Variants in CNTNAP2 observed in about 807,000 individuals in gnomAD.
CNTNAP2 encodes the protein contactin-associated protein-like 2.
A neutral mutation model predicts 155.2 loss-of-function variants in CNTNAP2; 98 were observed. The observed-to-expected ratio is 0.63, with a 90% CI of 0.54 to 0.75. CNTNAP2 has a LOEUF of 0.75. Among genes scored for constraint, CNTNAP2 ranks in the 30% least tolerant of loss-of-function variants. The probability of loss-of-function intolerance (pLI) is 0.00; values close to 1 mark genes in which losing one functional copy is unlikely to be tolerated. For synonymous variants in CNTNAP2, 651 were observed against 631.2 expected (o/e 1.03, Z -0.47); for missense variants, 1,727 against 1,688.1 (o/e 1.02, Z -0.40).
chr7:146,133,031 AG>A (rs749759116), intron 1 of CNTNAP2, among the ~76,000 whole-genome samples: 1,980 of 146,652 alleles, frequency 0.014, 20 homozygotes, highest in Middle Eastern at 0.045. Flanking sequence ...TCCCACCAAC[AG>A]TGTAAAAGTG....
chr7:146,673,037 T>C (rs997999487), intron 1 of CNTNAP2, among the ~76,000 whole-genome samples: 17 of 152,166 alleles, frequency 1.1e-4, no homozygotes, highest in Non-Finnish European at 2.9e-5. Flanking sequence ...GTTGGTTTAC[T>C]TCTCATTTTT....
chr7:148,029,235 A>T (rs1315454960), intron 15 of CNTNAP2, among the ~76,000 whole-genome samples: 1 of 152,086 alleles, frequency 6.6e-6, no homozygotes, highest in Non-Finnish European at 1.5e-5. Context: ...CACACGCACA[A>T]CTCCAAAGTT....
chr7:147,417,696 G>A (rs983338638), intron 10 of CNTNAP2, among the ~76,000 whole-genome samples: 1 of 152,066 alleles, frequency 6.6e-6, no homozygotes, highest in Non-Finnish European at 1.5e-5. Context: ...ATCTGATGAT[G>A]GTGAGTTTAA....
intron 1 of CNTNAP2, among the ~76,000 whole-genome samples, chr7:146,705,771 G>A (rs1416064173): frequency 1.3e-5 from 2 of 152,078 alleles, no homozygotes; most frequent in Non-Finnish European, 2.9e-5. Context: ...CATGAGGAAA[G>A]TATGGGGGAA....
At chr7:147,302,310 T>A (rs971280314) in intron 9 of CNTNAP2, among the ~76,000 whole-genome samples, 13 of 152,318 alleles carry the variant, frequency 8.5e-5, no homozygotes, top group African/African-American at 3.1e-4. Flanking sequence ...CCAGTTTTTA[T>A]CGATTTCAAT....
chr7:146,542,849 G>A (rs1477863930), intron 1 of CNTNAP2, among the ~76,000 whole-genome samples: 5 of 151,862 alleles, frequency 3.3e-5, no homozygotes, highest in East Asian at 1.9e-4. Flanking sequence ...TGAAGTTAAT[G>A]ATATCTTTTA....
At chr7:147,384,631 G>A (rs777882419) in intron 9 of CNTNAP2, among the ~76,000 whole-genome samples, 1 of 152,164 alleles carries the variant, frequency 6.6e-6, no homozygotes, top group Non-Finnish European at 1.5e-5. Context: ...ACTATGAAGA[G>A]CAATCTCATC....
chr7:147,884,290 G>A (rs1381639862), intron 13 of CNTNAP2, among the ~76,000 whole-genome samples: 2 of 152,182 alleles, frequency 1.3e-5, no homozygotes, highest in African/African-American at 4.8e-5. Flanking sequence ...AGAAAATGGG[G>A]CGATGCATCC....
chr7:147,148,485 A>G (rs1475976970), intron 8 of CNTNAP2, among the ~76,000 whole-genome samples: 15 of 152,190 alleles, frequency 9.9e-5, no homozygotes, highest in Admixed American at 6.5e-5. Flanking sequence ...CCTAAAATAC[A>G]GAAGTCCTAT....
chr7:146,943,272 A>C (rs180929269), intron 3 of CNTNAP2, among the ~76,000 whole-genome samples: 152 of 152,320 alleles, frequency 1.0e-3, no homozygotes, highest in Admixed American at 5.1e-3. Context: ...CAGGTGGTTC[A>C]CCTGAGATCA....
At chr7:146,840,425 T>C (rs1803698292) in intron 3 of CNTNAP2, among the ~76,000 whole-genome samples, 1 of 152,212 alleles carries the variant, frequency 6.6e-6, no homozygotes, top group Non-Finnish European at 1.5e-5. Context: ...GTTCTTAAAA[T>C]GTCTCTATTA....
At chr7:146,537,178 A>G (rs1396461640) in intron 1 of CNTNAP2, among the ~76,000 whole-genome samples, 1 of 152,110 alleles carries the variant, frequency 6.6e-6, no homozygotes, top group Non-Finnish European at 1.5e-5. Flanking sequence ...ACATGACAAT[A>G]TCTGTATCCT....
At chr7:147,483,686 A>G (rs1175009813) in intron 10 of CNTNAP2, among the ~76,000 whole-genome samples, 2 of 152,222 alleles carry the variant, frequency 1.3e-5, no homozygotes, top group Non-Finnish European at 2.9e-5. Flanking sequence ...ACAACACCAT[A>G]TACGTACTGA....
At chr7:148,250,423 C>T (rs1796342827) in intron 20 of CNTNAP2, among the ~76,000 whole-genome samples, 1 of 152,168 alleles carries the variant, frequency 6.6e-6, no homozygotes, top group Non-Finnish European at 1.5e-5. Flanking sequence ...CTGATGTATC[C>T]TAAGTACCTA....
chr7:147,043,153 A>G (rs1387473023), intron 3 of CNTNAP2, among the ~76,000 whole-genome samples: 1 of 152,150 alleles, frequency 6.6e-6, no homozygotes, highest in Non-Finnish European at 1.5e-5. Context: ...ATCCTTGAAT[A>G]TCCCATATTA....
At chr7:147,713,045 C>T (rs111676954) in intron 13 of CNTNAP2, among the ~76,000 whole-genome samples, 1,601 of 152,196 alleles carry the variant, frequency 0.011, 22 homozygotes, top group African/African-American at 0.036. Flanking sequence ...ATTCCGCAAC[C>T]AATTACATGC....
At chr7:146,538,283 T>G (rs1299745125) in intron 1 of CNTNAP2, among the ~76,000 whole-genome samples, 1 of 152,084 alleles carries the variant, frequency 6.6e-6, no homozygotes, top group Non-Finnish European at 1.5e-5. Context: ...TCCCCAAATG[T>G]CAGTAATTTA....
intron 20 of CNTNAP2, among the ~76,000 whole-genome samples, chr7:148,266,572 T>C (rs2116839623): frequency 6.6e-6 from 1 of 152,162 alleles, no homozygotes; most frequent in African/African-American, 2.4e-5. Context: ...AAACTACAAC[T>C]GTTTACCCCA....
intron 1 of CNTNAP2, among the ~76,000 whole-genome samples, chr7:146,462,086 G>C (rs1473016446): frequency 6.6e-6 from 1 of 152,042 alleles, no homozygotes; most frequent in African/African-American, 2.4e-5. Context: ...ATTCTCTGAG[G>C]CTTGAATGAG....
Sources: gnomAD v4.1 joint callset for allele counts (sites outside exome capture counted in the v4.1 genomes callset) on GRCh38, gnomAD v4.1.1 for gene constraint, MANE v1.5 for transcripts, NCBI Gene and HGNC (gene_info 2026-07-23, HGNC 2026-07-21) for gene names.